Variants in KCNN2 observed in about 807,000 individuals in gnomAD.
KCNN2 encodes the protein potassium calcium-activated channel subfamily N member 2, also known as small conductance calcium-activated potassium channel protein 2.
KCNN2 carries 24 observed loss-of-function variants against 55.5 expected under a neutral mutation model. The observed-to-expected ratio is 0.43, with a 90% CI of 0.31 to 0.61. KCNN2 has a LOEUF of 0.61. KCNN2 is among the 20% of genes least tolerant of loss of function. The pLI, the probability that KCNN2 is intolerant of heterozygous loss-of-function variation, is 0.08. For synonymous variants in KCNN2, 431 were observed against 336.1 expected (o/e 1.28, Z -3.09); for missense variants, 754 against 853.6 (o/e 0.88, Z 1.45).
chr5:114,095,538 G>C lies in KCNN2; in HGVS notation c.-271+39038G>C, dbSNP rs140933068. Reference sequence around the variant, plus strand: ...GGAATTACAAATTATATCATAAAAGGTTCCATTTAACAAGGTTGCCTGGAG... The same window carrying C: ...GGAATTACAAATTATATCATAAAAGCTTCCATTTAACAAGGTTGCCTGGAG... On this transcript the variant is annotated intron_variant, in intron 1 of 10. Coordinates refer to the KCNN2 transcript ENST00000512097. Among the ~76,000 whole-genome samples the C allele has an allele frequency of 2.6e-3, 401 of 152,274 alleles. 6 individuals carry two copies. The highest frequency in any genetic ancestry group is 9.3e-3 in the African/African-American group (388 of 41,554).
At chr5:114,343,271 C>T (rs532201558) in intron 2 of KCNN2, among the ~76,000 whole-genome samples, 4 of 152,170 alleles carry the variant, frequency 2.6e-5, no homozygotes, top group South Asian at 4.2e-4. Context: ...TTTGTTCTGT[C>T]TTTGGTTAAA....
intron 1 of KCNN2, among the ~76,000 whole-genome samples, chr5:114,188,993 T>G (rs1354735079): frequency 1.3e-5 from 2 of 152,206 alleles, no homozygotes; most frequent in South Asian, 4.2e-4. Flanking sequence ...TGAGGAAAAT[T>G]TTAAGGCAAG....
chr5:114,094,721 A>G (rs550249859), intron 1 of KCNN2, among the ~76,000 whole-genome samples: 2 of 152,278 alleles, frequency 1.3e-5, no homozygotes, highest in Non-Finnish European at 2.9e-5. Context: ...ATAAAAACCT[A>G]TTTTGACAAT....
intron 2 of KCNN2, among the ~76,000 whole-genome samples, chr5:114,333,248 A>C (rs36955): frequency 0.49 from 74,188 of 152,122 alleles, 18,597 homozygotes; most frequent in East Asian, 0.86. Flanking sequence ...CCTGCCACCA[A>C]ATGAAAATTG....
intron 5 of KCNN2, among the ~76,000 whole-genome samples, chr5:114,482,976 A>G (rs910769669): frequency 2.0e-5 from 3 of 152,094 alleles, no homozygotes; most frequent in Non-Finnish European, 4.4e-5. Flanking sequence ...GCAAACCACC[A>G]TGGCATGTGT....
chr5:114,426,470 T>G (rs980743238), intron 3 of KCNN2, among the ~76,000 whole-genome samples: 2 of 152,244 alleles, frequency 1.3e-5, no homozygotes, highest in Non-Finnish European at 1.5e-5. Flanking sequence ...TCTGATGATG[T>G]CTTTGATTTA....
intron 2 of KCNN2, among the ~76,000 whole-genome samples, chr5:114,305,822 C>A (rs542912690): frequency 6.6e-5 from 10 of 152,216 alleles, no homozygotes; most frequent in Admixed American, 5.9e-4. Context: ...ATGCTCACTG[C>A]AAAGGAGAGA....
chr5:114,422,886 C>T (rs920099374), intron 3 of KCNN2, among the ~76,000 whole-genome samples: 3 of 152,142 alleles, frequency 2.0e-5, no homozygotes, highest in African/African-American at 2.4e-5. Flanking sequence ...ATGATTAGCA[C>T]TTTTATAATA....
At chr5:114,126,518 C>G (rs1580536167) in intron 1 of KCNN2, among the ~76,000 whole-genome samples, 1 of 152,182 alleles carries the variant, frequency 6.6e-6, no homozygotes, top group East Asian at 1.9e-4. Flanking sequence ...AGGAATCCTC[C>G]CGCATGATTC....
upstream of KCNN2, chr5:114,361,097 CA>C (rs1757405750): frequency 1.3e-5 from 2 of 152,292 alleles, no homozygotes; most frequent in Admixed American, 1.3e-4. Context: ...CGCCAGAGCC[CA>C]GGACCCGGCG....
intron 2 of KCNN2, among the ~76,000 whole-genome samples, chr5:114,238,626 C>CAA (rs36125313): frequency 1.4e-4 from 16 of 111,370 alleles, no homozygotes; most frequent in Admixed American, 6.3e-4. Context: ...ACTCCGTCTC[C>CAA]AAAAAAAAAA....
At chr5:114,178,649 T>C (rs1219238648) in intron 1 of KCNN2, among the ~76,000 whole-genome samples, 3 of 152,256 alleles carry the variant, frequency 2.0e-5, no homozygotes, top group Admixed American at 6.5e-5. Context: ...CTTCATTTTA[T>C]GTAACACTAT....
At chr5:114,495,712 G>T (rs1290015670) in intron 7 of KCNN2, among the ~76,000 whole-genome samples, 183 bp from the exon 8 acceptor site, 2 of 152,114 alleles carry the variant, frequency 1.3e-5, no homozygotes, top group Admixed American at 6.5e-5. Context: ...CTTATATTTC[G>T]ATTATAAATC....
At chr5:114,291,027 T>G (rs1755875888) in intron 2 of KCNN2, among the ~76,000 whole-genome samples, 1 of 152,132 alleles carries the variant, frequency 6.6e-6, no homozygotes, top group South Asian at 2.1e-4. Context: ...ATGTTTCATG[T>G]ACACTTGTGT....
intron 1 of KCNN2, among the ~76,000 whole-genome samples, chr5:114,169,991 T>C (rs1752999462): frequency 6.6e-6 from 1 of 152,088 alleles, no homozygotes; most frequent in Non-Finnish European, 1.5e-5. Context: ...GATGCACACC[T>C]TCCTGCTATT....
intron 3 of KCNN2, among the ~76,000 whole-genome samples, chr5:114,411,411 A>G (rs1759128478): frequency 6.6e-6 from 1 of 152,112 alleles, no homozygotes; most frequent in Admixed American, 6.6e-5. Context: ...GAGACTGAGA[A>G]GTCCCAAGGA....
intron 2 of KCNN2, among the ~76,000 whole-genome samples, chr5:114,281,968 G>A (rs751573293): frequency 2.6e-5 from 4 of 151,748 alleles, no homozygotes; most frequent in Non-Finnish European, 5.9e-5. Flanking sequence ...TCTAGTTAGG[G>A]TGCTATAGTT....
intron 3 of KCNN2, among the ~76,000 whole-genome samples, chr5:114,462,429 C>T (rs1345756503): frequency 1.3e-5 from 2 of 152,120 alleles, no homozygotes; most frequent in African/African-American, 4.8e-5. Context: ...ATCAGAGGTA[C>T]AGTTTCTGTG....
intron 2 of KCNN2, among the ~76,000 whole-genome samples, chr5:114,372,686 C>T (rs1447111256): frequency 6.6e-6 from 1 of 151,952 alleles, no homozygotes. Context: ...AATCTTACCA[C>T]CCAGTGATGA....
Sources: allele counts gnomAD v4.1 joint callset (sites outside exome capture counted in the v4.1 genomes callset), GRCh38; gene constraint gnomAD v4.1.1; transcripts MANE v1.5; gene names NCBI Gene and HGNC (gene_info 2026-07-23, HGNC 2026-07-21).